Variants in ACSM2B observed in about 807,000 individuals in gnomAD.
The protein encoded by ACSM2B is acyl-coenzyme A synthetase ACSM2B, mitochondrial.
Under a neutral mutation model 78.6 loss-of-function variants are expected in ACSM2B, and 58 were observed. The observed-to-expected ratio is 0.74, with a 90% CI of 0.60 to 0.92. The LOEUF is 0.92. Ranked by LOEUF, ACSM2B falls within the 40% of genes least tolerant of loss-of-function variation. The pLI is 0.00. For missense variants in ACSM2B, 688 were observed against 711.2 expected, an observed-to-expected ratio of 0.97 and a Z score of 0.37; for synonymous variants, 257 against 256.8, an observed-to-expected ratio of 1.00 and a Z score of -0.01.
At chr16:20,556,011 G>A (rs184009034) in intron 3 of ACSM2B, among the ~76,000 whole-genome samples, 22 of 151,998 alleles carry the variant, frequency 1.4e-4, no homozygotes, top group Non-Finnish European at 2.1e-4. Flanking sequence ...GGTACAAAGC[G>A]GTATTATAAT....
chr16:20,547,854 C>T lies in ACSM2B; in HGVS notation c.1098+208G>A, dbSNP rs1479576014. On this transcript the variant is annotated intron_variant, in intron 8 of 13. Coordinates refer to ENST00000329697, the MANE Select transcript of ACSM2B (RefSeq NM_001105069.2). ...TTATTGTCTCTCTCCCCAAATCTCA[C>T]TGGAATGTAATCTCCCAGAAAACAG... is the stretch of plus-strand genomic sequence containing the variant. 8.7e-6 allele frequency: 11 copies of T among 1,263,754 alleles called. No individual in the cohort carries two copies. In the Admixed American group the frequency reaches 3.1e-4, roughly 35 times the overall value. 78.3% of individuals were successfully genotyped at this position (1,263,754 alleles called of 1,614,324 possible).
chr16:20,549,114 G>A (rs2015229576), intron 6 of ACSM2B, among the ~76,000 whole-genome samples: 1 of 152,094 alleles, frequency 6.6e-6, no homozygotes, highest in African/African-American at 2.4e-5. Context: ...ACAAGGTTAA[G>A]TAGCTGCTCC....
chr16:20,565,082 C>T (rs1156270409), intron 1 of ACSM2B, among the ~76,000 whole-genome samples: 1 of 152,152 alleles, frequency 6.6e-6, no homozygotes, highest in East Asian at 1.9e-4. Context: ...ACATATTCAA[C>T]ACTTCTGACA....
Position 20,545,187 on chromosome 16 carries a change from G to T in ACSM2B, c.1251C>A (p.Ile417=). 2 of 1,613,832 alleles carry T rather than the reference G, an allele frequency of 1.2e-6. No homozygotes were observed. The highest frequency in any genetic ancestry group is 1.1e-5 in the South Asian group (1 of 90,996). The part of the protein sequence containing the change: ...EGDIGIRVKP[I]RPIGIFSGYV... ...AGCCAGAGAAGATGCCTATAGGCCT[G>T]ATGGGTTTGACCCTGATGCCAATGT... The change falls in exon 10 of 14, where the codon ATC becomes ATA. Residue 417 remains isoleucine (I), a synonymous_variant. Transcript: ENST00000329697.
At chr16:20,552,077 A>C (rs2015326733) in intron 6 of ACSM2B, 67 bp downstream of exon 6, 3 of 1,526,226 alleles carry the variant, frequency 2.0e-6, no homozygotes, top group South Asian at 2.7e-5. Context: ...AACAAACTAC[A>C]AAAAATTGAA....
In ACSM2B at chr16:20,553,737, G is replaced by A. The variant is rs1265439684; in HGVS notation, c.740+40C>T. 1.9e-6 allele frequency: 3 copies of A among 1,598,542 alleles called. No homozygotes were observed. The East Asian group carries it at 6.7e-5, about 36-fold the overall frequency. ...TGAACTCAGAAACGTCTTCATGCCTGGTCATGCAATTCTCTGTAGAGAGAA... is the reference window on the plus strand; with the variant it reads ...TGAACTCAGAAACGTCTTCATGCCTAGTCATGCAATTCTCTGTAGAGAGAA... On this transcript the variant is annotated intron_variant, in intron 5 of 13. Transcript: ENST00000329697.
At position 20,555,442 on chromosome 16, in the gene ACSM2B, T is replaced by C. The variant is rs2015444156; in HGVS notation, c.423A>G (p.Lys141=). Residue 141 remains lysine (K), a synonymous_variant, in exon 4 of 14, where the codon AAA becomes AAG. Transcript: ENST00000329697. ...LIFMPGTIQM[K]STDILYRLQM... ...GCAACCTATACAGTATGTCAGTGGA[T>C]TTCATCTGGATGGTTCCAGGCATAA... is the stretch of plus-strand genomic sequence containing the variant. 6.2e-7 allele frequency: 1 copy of C among 1,613,624 alleles called. No individual in the cohort carries two copies. Among genetic ancestry groups the C allele is most frequent in the Non-Finnish European group, 8.5e-7 (1 of 1,179,632 alleles).
intron 3 of ACSM2B, 36 bp downstream of exon 3, chr16:20,559,201 G>A (rs2015564932): frequency 1.3e-6 from 2 of 1,522,090 alleles, no homozygotes; most frequent in East Asian, 2.4e-5. Context: ...TCTTCACAAG[G>A]AAGACAGTTC....
At chr16:20,560,506 C>T (rs1035182382) in intron 2 of ACSM2B, among the ~76,000 whole-genome samples, 4 of 152,030 alleles carry the variant, frequency 2.6e-5, no homozygotes, top group African/African-American at 9.7e-5. Context: ...TTGTAAATTT[C>T]TTGAGGCCCC....
chr16:20,567,642 A>C (rs58623428), intron 1 of ACSM2B, among the ~76,000 whole-genome samples: 2,887 of 136,624 alleles, frequency 0.021, 127 homozygotes, highest in African/African-American at 0.076. Context: ...ATATCTATAT[A>C]TACTATGCTA....
rs556906726 is a variant in ACSM2B at position 20,556,356 on chromosome 16, C to G, written c.389-880G>C. Reference sequence around the variant, plus strand: ...GTGGCTCATGCCTGTAATCCTGGCACTTTTGGAGGCCAAGGAGGGCAGACT... The same window carrying G: ...GTGGCTCATGCCTGTAATCCTGGCAGTTTTGGAGGCCAAGGAGGGCAGACT... On this transcript the variant is annotated intron_variant, in intron 3 of 13. Coordinates refer to ENST00000329697, the MANE Select transcript of ACSM2B (RefSeq NM_001105069.2). Among the ~76,000 whole-genome samples, 6 of 152,188 alleles carry G rather than the reference C, an allele frequency of 3.9e-5. No individual in the cohort carries two copies. The East Asian group carries it at 5.8e-4, about 15-fold the overall frequency.
intron 4 of ACSM2B, 119 bp from the exon 5 acceptor site, chr16:20,554,039 C>T (rs1460413227): frequency 1.6e-6 from 2 of 1,244,084 alleles, no homozygotes; most frequent in Non-Finnish European, 2.3e-6. Context: ...ACCCACCTCA[C>T]AAGAGAGGCT....
intron 12 of ACSM2B, 175 bp from the exon 13 acceptor site, chr16:20,540,948 C>T: frequency 1.0e-6 from 1 of 998,506 alleles, no homozygotes; most frequent in African/African-American, 1.6e-5. Flanking sequence ...TTCCAGCTCT[C>T]TCTGAAGTCG....
rs184873551 is a variant in ACSM2B at position 20,537,264 on chromosome 16, C to A, written c.1728G>T (p.Ala576=). Residue 576 remains alanine, a synonymous_variant, in exon 14 of 14, where the codon GCG becomes GCT. Coordinates refer to ENST00000329697, the MANE Select transcript of ACSM2B (RefSeq NM_001105069.2). ...TGAATGTCTCCTAGACGCCTCACTGCGCACGGGCTTTTCCGGACATCTTCC... is the reference window on the plus strand; with the variant it reads ...TGAATGTCTCCTAGACGCCTCACTGAGCACGGGCTTTTCCGGACATCTTCC... The part of the protein sequence containing the change: ...KEWKMSGKAR[A]Q The A allele has an allele frequency of 4.8e-5, 78 of 1,613,990 alleles. No individual in the cohort carries two copies. In the East Asian group the frequency reaches 7.1e-4, roughly 15 times the overall value.
intron 1 of ACSM2B, among the ~76,000 whole-genome samples, chr16:20,575,113 T>C (rs1454551778): frequency 6.6e-6 from 1 of 151,728 alleles, no homozygotes; most frequent in Non-Finnish European, 1.5e-5. Context: ...TTAGAGTCCT[T>C]AGTATTTTGG....
At chr16:20,547,946 A>T (rs2015189214) in intron 8 of ACSM2B, 116 bp downstream of exon 8, 1 of 1,551,194 alleles carries the variant, frequency 6.4e-7, no homozygotes, top group Non-Finnish European at 8.7e-7. Context: ...ACAGAGGCTC[A>T]ATAAATATTT....
intron 3 of ACSM2B, among the ~76,000 whole-genome samples, chr16:20,555,795 G>C (rs1035650348): frequency 9.9e-5 from 15 of 152,112 alleles, no homozygotes; most frequent in Non-Finnish European, 2.1e-4. Context: ...TTCTACAGGA[G>C]TTCGCTGTAT....
In ACSM2B at chr16:20,557,460, A is replaced by G. The variant is rs549014546; in HGVS notation, c.388+1777T>C. On this transcript the variant is annotated intron_variant, in intron 3 of 13. Transcript: ENST00000329697. ...TCTCCATCTCTACTACCTCAACCAA[A>G]CTGAAGCCATCACTAACCGTTCACC... is the stretch of plus-strand genomic sequence containing the variant. Among the ~76,000 whole-genome samples, 19 of 151,998 alleles carry G rather than the reference A, an allele frequency of 1.3e-4. No individual in the cohort carries two copies. In the East Asian group the frequency reaches 3.5e-3, roughly 28 times the overall value.
At chr16:20,574,564 G>A (rs1259933330) in intron 1 of ACSM2B, 1 of 151,654 alleles carries the variant, frequency 6.6e-6, no homozygotes, top group Non-Finnish European at 1.5e-5. Flanking sequence ...TTTGGGAAGT[G>A]ATAAATATCC....
Sources: gnomAD v4.1 joint callset for allele counts (sites outside exome capture counted in the v4.1 genomes callset) on GRCh38, gnomAD v4.1.1 for gene constraint, MANE v1.5 for transcripts, NCBI Gene and HGNC (gene_info 2026-07-23, HGNC 2026-07-21) for gene names.